Variants in INPP4B observed in about 807,000 individuals in gnomAD.
INPP4B encodes inositol polyphosphate-4-phosphatase type II B.
INPP4B carries 55 observed loss-of-function variants against 122.5 expected under a neutral mutation model. That is an observed-to-expected ratio of 0.45 (90% CI 0.36 to 0.56). INPP4B has a LOEUF of 0.56. Ranked by LOEUF, INPP4B falls within the 20% of genes least tolerant of loss-of-function variation. The probability of loss-of-function intolerance (pLI) is 0.00; values close to 1 mark genes in which losing one functional copy is unlikely to be tolerated. For synonymous variants in INPP4B, 403 were observed against 388.7 expected (o/e 1.04, Z -0.43); for missense variants, 1,000 against 1,097.7 (o/e 0.91, Z 1.26).
At chr4:142,693,229 T>C (rs2150730949) in intron 2 of INPP4B, among the ~76,000 whole-genome samples, 1 of 152,036 alleles carries the variant, frequency 6.6e-6, no homozygotes, top group African/African-American at 2.4e-5. Context: ...GTGTCATGGC[T>C]AGGTGAGAAA....
chr4:142,392,643 G>C (rs1390070447), intron 7 of INPP4B, among the ~76,000 whole-genome samples: 1 of 152,168 alleles, frequency 6.6e-6, no homozygotes, highest in Non-Finnish European at 1.5e-5. Flanking sequence ...GAGTAAAAGA[G>C]GCAATGATTA....
chr4:142,237,060 T>C (rs988533947), intron 12 of INPP4B, among the ~76,000 whole-genome samples: 3 of 152,194 alleles, frequency 2.0e-5, no homozygotes, highest in African/African-American at 7.2e-5. Context: ...GAGATACTCT[T>C]ATCAACCAAT....
chr4:142,549,076 T>A (rs10004909), intron 2 of INPP4B, among the ~76,000 whole-genome samples: 1 of 152,072 alleles, frequency 6.6e-6, no homozygotes, highest in Admixed American at 6.6e-5. Context: ...AGAAGAGTGA[T>A]GTGATTTAAT....
intron 16 of INPP4B, among the ~76,000 whole-genome samples, chr4:142,164,782 T>C (rs1280041636): frequency 1.3e-5 from 2 of 151,654 alleles, no homozygotes; most frequent in Non-Finnish European, 3.0e-5. Context: ...AGAAACAGGG[T>C]CTCACTATGT....
chr4:142,457,484 C>G (rs1815707355), intron 3 of INPP4B, among the ~76,000 whole-genome samples: 1 of 152,016 alleles, frequency 6.6e-6, no homozygotes, highest in African/African-American at 2.4e-5. Context: ...TTTAAATAGA[C>G]ACTACACCAA....
intron 3 of INPP4B, among the ~76,000 whole-genome samples, chr4:142,444,189 G>C (rs1812419014): frequency 6.6e-6 from 1 of 152,202 alleles, no homozygotes; most frequent in Non-Finnish European, 1.5e-5. Context: ...GAAATAATCA[G>C]TGAACTTGAA....
chr4:142,672,657 A>G (rs183145947), intron 2 of INPP4B, among the ~76,000 whole-genome samples: 5 of 152,230 alleles, frequency 3.3e-5, no homozygotes, highest in Non-Finnish European at 5.9e-5. Flanking sequence ...CACAATTTCC[A>G]TATCACACAT....
At position 142,028,235 on chromosome 4, in the gene INPP4B, T is replaced by G; in HGVS notation, c.*547A>C. On this transcript the variant is annotated 3_prime_UTR_variant, in exon 26 of 26. Transcript: ENST00000262992. Reference sequence around the variant, plus strand: ...CTTGACTGGATGATAGAGATCATTGTGGAACATACCTGCAAACTGCCTCAG... The same window carrying G: ...CTTGACTGGATGATAGAGATCATTGGGGAACATACCTGCAAACTGCCTCAG... 1 of 227,692 alleles carries G rather than the reference T, an allele frequency of 4.4e-6. No individual in the cohort carries two copies. Among genetic ancestry groups the G allele is most frequent in the Non-Finnish European group, 8.7e-6 (1 of 114,568 alleles). 14.1% of individuals were successfully genotyped at this position (227,692 alleles called of 1,614,324 possible). A position where few individuals can be genotyped will look rare whatever the true frequency, so the allele number is the denominator to read the frequency against.
intron 3 of INPP4B, among the ~76,000 whole-genome samples, 171 bp from the exon 4 acceptor site, chr4:142,431,556 A>C (rs1205418224): frequency 1.3e-5 from 2 of 152,136 alleles, no homozygotes; most frequent in Non-Finnish European, 2.9e-5. Context: ...GTCTAGGTTT[A>C]ATAGGTATTC....
At chr4:142,275,288 G>A (rs1747839633) in intron 9 of INPP4B, among the ~76,000 whole-genome samples, 1 of 151,772 alleles carries the variant, frequency 6.6e-6, no homozygotes, top group Non-Finnish European at 1.5e-5. Flanking sequence ...GTATTAAACA[G>A]CAAAATGTAA....
intron 12 of INPP4B, among the ~76,000 whole-genome samples, chr4:142,218,807 T>A (rs919747813): frequency 6.6e-6 from 1 of 152,102 alleles, no homozygotes; most frequent in Non-Finnish European, 1.5e-5. Context: ...TTAAAAGAAG[T>A]CATAAAAAAT....
At chr4:142,585,791 A>G (rs1326227243) in intron 2 of INPP4B, among the ~76,000 whole-genome samples, 1 of 151,902 alleles carries the variant, frequency 6.6e-6, no homozygotes, top group African/African-American at 2.4e-5. Flanking sequence ...GGTAGAGAGT[A>G]TAAGAGATTA....
At chr4:142,375,514 C>T (rs979532423) in intron 7 of INPP4B, among the ~76,000 whole-genome samples, 149 of 151,814 alleles carry the variant, frequency 9.8e-4, no homozygotes, top group African/African-American at 3.5e-3. Flanking sequence ...TTTGCACATC[C>T]CACTCTAAGG....
intron 12 of INPP4B, among the ~76,000 whole-genome samples, chr4:142,237,659 T>C (rs944000023): frequency 2.4e-4 from 36 of 151,782 alleles, no homozygotes; most frequent in African/African-American, 8.5e-4. Context: ...TCTATAGAAA[T>C]AGATAACATA....
intron 18 of INPP4B, among the ~76,000 whole-genome samples, chr4:142,140,581 T>C (rs905476259): frequency 5.3e-5 from 8 of 152,194 alleles, no homozygotes; most frequent in African/African-American, 1.9e-4. Context: ...AAAATCATCC[T>C]GAGTAGGTCA....
chr4:142,469,353 T>C (rs1301005746), intron 2 of INPP4B, among the ~76,000 whole-genome samples: 15 of 152,124 alleles, frequency 9.9e-5, no homozygotes. Context: ...AGGAAAATTA[T>C]AAGAAGCTAT....
At chr4:142,117,308 T>C (rs1432908530) in intron 21 of INPP4B, among the ~76,000 whole-genome samples, 1 of 152,120 alleles carries the variant, frequency 6.6e-6, no homozygotes, top group Non-Finnish European at 1.5e-5. Flanking sequence ...CTAACTCACT[T>C]TATGAGGCCA....
At position 142,108,021 on chromosome 4, in the gene INPP4B, T is replaced by C. The variant is rs1047520759; in HGVS notation, c.2374+72A>G. 13 of 788,116 alleles carry C rather than the reference T, an allele frequency of 1.6e-5. No homozygotes were observed. The African/African-American group carries it at 2.3e-4, about 14-fold the overall frequency. The allele number at this position is 788,116 out of a possible 1,614,324, so 48.8% of individuals were successfully genotyped here. A position where few individuals can be genotyped will look rare whatever the true frequency, so the allele number is the denominator to read the frequency against. ...CCTGCTTCTGTAGTCCACTGACCTC[T>C]ATGTCTGACCTCTTCTAAAGATTTA... On this transcript the variant is annotated intron_variant, in intron 23 of 25. Coordinates refer to ENST00000262992, the MANE Select transcript of INPP4B (RefSeq NM_001101669.3).
At chr4:142,407,115 T>G (rs1028105730) in intron 5 of INPP4B, among the ~76,000 whole-genome samples, 3 of 152,248 alleles carry the variant, frequency 2.0e-5, no homozygotes, top group African/African-American at 7.2e-5. Context: ...ATTTAGATTT[T>G]CACTGTTCTT....
Sources: gnomAD v4.1 joint callset for allele counts (sites outside exome capture counted in the v4.1 genomes callset) on GRCh38, gnomAD v4.1.1 for gene constraint, MANE v1.5 for transcripts, NCBI Gene and HGNC (gene_info 2026-07-23, HGNC 2026-07-21) for gene names.